NCKAP5: variants seen among roughly 807,000 people sequenced by gnomAD.
The protein encoded by NCKAP5 is NCK associated protein 5.
In NCKAP5, 92 loss-of-function variants were observed where a neutral mutation model predicts 167.0. The ratio of observed to expected loss-of-function variants is 0.55; its 90% CI spans 0.47 to 0.66. The LOEUF is 0.66. Among genes scored for constraint, NCKAP5 ranks in the 30% least tolerant of loss-of-function variants. NCKAP5 has a pLI of 0.00. For missense variants in NCKAP5, 2,378 were observed against 2,315.0 expected, an observed-to-expected ratio of 1.03 and a Z score of -0.56; for synonymous variants, 891 against 877.4, an observed-to-expected ratio of 1.02 and a Z score of -0.27.
chr2:133,015,108 T>C (rs888266017), intron 6 of NCKAP5, among the ~76,000 whole-genome samples: 11 of 152,210 alleles, frequency 7.2e-5, no homozygotes, highest in African/African-American at 2.7e-4. Flanking sequence ...ATGACAGCAG[T>C]AATCATGATT....
intron 6 of NCKAP5, among the ~76,000 whole-genome samples, chr2:133,076,177 A>G (rs891075103): frequency 6.6e-6 from 1 of 152,212 alleles, no homozygotes; most frequent in African/African-American, 2.4e-5. Context: ...TTAAAAAATA[A>G]ATTAAAAACC....
chr2:132,993,136 T>C (rs2077494319), intron 7 of NCKAP5, among the ~76,000 whole-genome samples: 1 of 152,222 alleles, frequency 6.6e-6, no homozygotes, highest in Admixed American at 6.5e-5. Flanking sequence ...TCAAACCCAC[T>C]GGCTTTTTAG....
intron 5 of NCKAP5, among the ~76,000 whole-genome samples, chr2:133,204,278 C>A (rs1026397984): frequency 1.3e-5 from 2 of 152,150 alleles, no homozygotes; most frequent in Non-Finnish European, 2.9e-5. Flanking sequence ...CAAAATGAGA[C>A]ATCAGTTAAT....
chr2:133,153,889 G>A (rs1027178169), intron 5 of NCKAP5, among the ~76,000 whole-genome samples: 3 of 141,284 alleles, frequency 2.1e-5, no homozygotes, highest in East Asian at 2.1e-4. Flanking sequence ...AGGCTGGAGC[G>A]TAACGGCGCA....
chr2:133,293,671 G>A lies in NCKAP5; in HGVS notation c.143+9366C>T, dbSNP rs922040304. On this transcript the variant is annotated intron_variant, in intron 4 of 19. Transcript: ENST00000409261. ...TAGCTTATCCCATAGCTCTCCCTAC[G>A]ACCGTTCAGGAATAACATAACCATT... 7.2e-5 allele frequency among the ~76,000 whole-genome samples: 11 copies of A among 152,046 alleles called. No individual in the cohort carries two copies. In the East Asian group the frequency reaches 1.9e-3, roughly 27 times the overall value.
the NCKAP5 span, among the ~76,000 whole-genome samples, chr2:133,612,982 C>T: frequency 6.6e-6 from 1 of 152,146 alleles, no homozygotes; most frequent in Non-Finnish European, 1.5e-5. Context: ...ACTTACAGCA[C>T]TAATAAAGCA....
the NCKAP5 span, among the ~76,000 whole-genome samples, chr2:133,588,996 G>A: frequency 6.6e-6 from 1 of 152,166 alleles, no homozygotes; most frequent in Non-Finnish European, 1.5e-5. Context: ...GAGGTCACAT[G>A]GCCATTGCAG....
the NCKAP5 span, among the ~76,000 whole-genome samples, chr2:133,606,501 T>C: frequency 1.3e-5 from 2 of 152,062 alleles, no homozygotes; most frequent in Non-Finnish European, 2.9e-5. Context: ...ACCCAACGCC[T>C]CCTAAAAGGC....
chr2:133,601,191 G>C, the NCKAP5 span, among the ~76,000 whole-genome samples: 1 of 152,220 alleles, frequency 6.6e-6, no homozygotes, highest in Admixed American at 6.5e-5. Flanking sequence ...TGGCAGGACA[G>C]AGAACCATCT....
chr2:133,504,463 C>T (rs1463143749), intron 3 of NCKAP5, among the ~76,000 whole-genome samples: 1 of 151,372 alleles, frequency 6.6e-6, no homozygotes, highest in East Asian at 2.0e-4. Context: ...TAGCAATGTA[C>T]CAGAGCTGAG....
chr2:133,288,402 G>C (rs1278068876), intron 4 of NCKAP5, among the ~76,000 whole-genome samples: 1 of 152,062 alleles, frequency 6.6e-6, no homozygotes, highest in East Asian at 1.9e-4. Flanking sequence ...AAATCAATTT[G>C]CCAATATAAC....
intron 5 of NCKAP5, among the ~76,000 whole-genome samples, chr2:133,210,972 T>G (rs1038120004): frequency 6.6e-6 from 1 of 151,898 alleles, no homozygotes; most frequent in African/African-American, 2.4e-5. Flanking sequence ...ACCTTGAGGG[T>G]GCACCCATTC....
intron 3 of NCKAP5, 83 bp from the exon 4 acceptor site, chr2:133,303,193 G>C: frequency 1.1e-6 from 1 of 936,338 alleles, no homozygotes; most frequent in Admixed American, 2.0e-5. Context: ...TCTACAAGGA[G>C]TATTTTTGAC....
Position 132,891,835 on chromosome 2 carries a change from T to C in NCKAP5, c.580-12919A>G, listed in dbSNP as rs555234674. Among the ~76,000 whole-genome samples the C allele has an allele frequency of 3.3e-5, 5 of 152,036 alleles. No homozygotes were observed. In the South Asian group the frequency reaches 6.2e-4, roughly 19 times the overall value. ...CAGATCTATCTTCCTAGGAGGAGAG[T>C]AAGATAATCTGATGGGAAGTGACGG... On this transcript the variant is annotated intron_variant, in intron 8 of 19. Coordinates refer to ENST00000409261, the MANE Select transcript of NCKAP5 (RefSeq NM_207363.3).
intron 2 of NCKAP5, among the ~76,000 whole-genome samples, chr2:133,517,891 G>A (rs901084370): frequency 2.0e-5 from 3 of 152,024 alleles, no homozygotes; most frequent in Admixed American, 6.5e-5. Context: ...CTCCACACCC[G>A]TCCTCTCTCT....
intron 3 of NCKAP5, among the ~76,000 whole-genome samples, chr2:133,374,588 T>A (rs1463980710): frequency 6.9e-6 from 1 of 145,006 alleles, no homozygotes; most frequent in Non-Finnish European, 1.5e-5. Context: ...GGGTGGGGGA[T>A]GTTGGTGATG....
At chr2:133,126,164 T>C (rs1574106370) in intron 6 of NCKAP5, among the ~76,000 whole-genome samples, 2 of 152,202 alleles carry the variant, frequency 1.3e-5, no homozygotes, top group South Asian at 4.1e-4. Context: ...TTCCCACGTG[T>C]ACCTAACTGT....
chr2:133,214,073 G>A (rs1398212226), intron 4 of NCKAP5, among the ~76,000 whole-genome samples: 1 of 152,010 alleles, frequency 6.6e-6, no homozygotes, highest in Non-Finnish European at 1.5e-5. Flanking sequence ...ATTTTTCATG[G>A]CTATAGTATT....
intron 19 of NCKAP5, among the ~76,000 whole-genome samples, chr2:132,707,420 A>G (rs985116081): frequency 6.6e-6 from 1 of 152,212 alleles, no homozygotes; most frequent in Non-Finnish European, 1.5e-5. Context: ...TAAACTTGAA[A>G]GGCAGTCTGG....
Sources: allele counts gnomAD v4.1 joint callset (sites outside exome capture counted in the v4.1 genomes callset), GRCh38; gene constraint gnomAD v4.1.1; transcripts MANE v1.5; gene names NCBI Gene and HGNC (gene_info 2026-07-23, HGNC 2026-07-21).